The following FAM163A variants were observed in gnomAD, a reference collection of about 807,000 sequenced individuals.
FAM163A encodes the protein family with sequence similarity 163 member A, also known as protein FAM163A.
FAM163A carries 7 observed loss-of-function variants against 12.0 expected under a neutral mutation model. The ratio of observed to expected loss-of-function variants is 0.58; its 90% CI spans 0.33 to 1.10. The LOEUF (loss-of-function observed/expected upper bound fraction) is 1.10, where lower values mean the gene tolerates loss of function less well. FAM163A is among the 50% of genes least tolerant of loss of function. FAM163A has a pLI of 0.03. For synonymous variants in FAM163A, 101 were observed against 91.0 expected, an observed-to-expected ratio of 1.11 and a Z score of -0.62; for missense variants, 202 against 218.6, an observed-to-expected ratio of 0.92 and a Z score of 0.48.
intron 1 of FAM163A, among the ~76,000 whole-genome samples, chr1:179,800,511 T>C (rs534545837): frequency 2.3e-4 from 35 of 152,244 alleles, no homozygotes; most frequent in Non-Finnish European, 4.3e-4. Flanking sequence ...CCAAGCCATG[T>C]TAGACCATGG....
rs878924466 is a variant in FAM163A, at chr1:179,814,249, G to A, written c.*60G>A. The A allele has an allele frequency of 3.2e-5, 49 of 1,526,808 alleles. No individual in the cohort carries two copies. The highest frequency in any genetic ancestry group is 3.2e-4 in the South Asian group (25 of 77,900). 94.6% of individuals were successfully genotyped at this position (1,526,808 alleles called of 1,614,324 possible). A position where few individuals can be genotyped will look rare whatever the true frequency, so the allele number is the denominator to read the frequency against. Reference sequence around the variant, plus strand: ...TGCTGCCCTGGCGGGGGCCATGGGGGTGATGAATGACCCTCCAACAGCCCC... The same window carrying A: ...TGCTGCCCTGGCGGGGGCCATGGGGATGATGAATGACCCTCCAACAGCCCC... On this transcript the variant is annotated 3_prime_UTR_variant, in exon 5 of 5. Transcript: ENST00000341785.
At chr1:179,740,169 GTTT>G (rs552496939), upstream of FAM163A, among the ~76,000 whole-genome samples, 8 of 115,030 alleles carry the variant, frequency 7.0e-5, no homozygotes, top group South Asian at 2.4e-3. Flanking sequence ...ACTTTATTTG[GTTT>G]TTGTTGTTGT....
At chr1:179,772,594 C>G (rs1285813134) in intron 1 of FAM163A, among the ~76,000 whole-genome samples, 1 of 152,184 alleles carries the variant, frequency 6.6e-6, no homozygotes, top group African/African-American at 2.4e-5. Flanking sequence ...AACCACTGCC[C>G]TGAAGCATTG....
At chr1:179,753,017 C>T (rs1685499196) in intron 1 of FAM163A, among the ~76,000 whole-genome samples, 1 of 152,136 alleles carries the variant, frequency 6.6e-6, no homozygotes, top group Non-Finnish European at 1.5e-5. Flanking sequence ...GCAGCATTAT[C>T]CACAATAGCC....
intron 1 of FAM163A, among the ~76,000 whole-genome samples, chr1:179,750,598 TACA>T (rs1553212863): frequency 6.6e-6 from 1 of 152,150 alleles, no homozygotes; most frequent in Non-Finnish European, 1.5e-5. Context: ...GGGGAAATCA[TACA>T]ACATGAGCGG....
intron 1 of FAM163A, among the ~76,000 whole-genome samples, chr1:179,750,154 G>A (rs949088373): frequency 6.6e-6 from 1 of 152,134 alleles, no homozygotes; most frequent in African/African-American, 2.4e-5. Flanking sequence ...AGCTAGAGGG[G>A]GCTGGGGCTG....
chr1:179,752,943 G>A (rs1043138807), intron 1 of FAM163A, among the ~76,000 whole-genome samples: 33 of 152,166 alleles, frequency 2.2e-4, no homozygotes, highest in African/African-American at 7.2e-4. Flanking sequence ...TCTCACTACT[G>A]GGTATTTATC....
the FAM163A span, among the ~76,000 whole-genome samples, chr1:179,729,925 C>A: frequency 6.6e-6 from 1 of 152,226 alleles, no homozygotes; most frequent in Non-Finnish European, 1.5e-5. Context: ...TGCCTTCCTG[C>A]ACTGCTTTCT....
intron 1 of FAM163A, among the ~76,000 whole-genome samples, chr1:179,744,416 C>T (rs933934458): frequency 6.6e-6 from 1 of 152,092 alleles, no homozygotes; most frequent in East Asian, 1.9e-4. Flanking sequence ...GCCACCCGGC[C>T]TGGCCTGGGT....
intron 1 of FAM163A, among the ~76,000 whole-genome samples, chr1:179,783,722 A>AT (rs1690125283): frequency 8.3e-6 from 1 of 120,750 alleles, no homozygotes; most frequent in South Asian, 2.4e-4. Context: ...ATACTTCCCA[A>AT]ATTTTATATA....
intron 1 of FAM163A, among the ~76,000 whole-genome samples, chr1:179,787,825 T>C (rs1043158095): frequency 2.0e-5 from 3 of 152,088 alleles, no homozygotes; most frequent in Admixed American, 6.5e-5. Flanking sequence ...TGGTGGAGAT[T>C]GGCAGTGCCC....
intron 1 of FAM163A, among the ~76,000 whole-genome samples, chr1:179,783,370 G>A (rs1690077752): frequency 6.6e-6 from 1 of 152,070 alleles, no homozygotes; most frequent in African/African-American, 2.4e-5. Flanking sequence ...ATAACATTGT[G>A]GTACAACTCC....
intron 1 of FAM163A, among the ~76,000 whole-genome samples, chr1:179,768,355 G>A (rs945339225): frequency 3.9e-5 from 6 of 152,096 alleles, no homozygotes; most frequent in African/African-American, 1.4e-4. Context: ...CAATAAGTGT[G>A]GCAATAATTG....
At chr1:179,771,238 G>T (rs1301973965) in intron 1 of FAM163A, among the ~76,000 whole-genome samples, 1 of 152,134 alleles carries the variant, frequency 6.6e-6, no homozygotes, top group Non-Finnish European at 1.5e-5. Context: ...AAGACAGAGT[G>T]CCGGCTCCCC....
At chr1:179,769,729 T>C (rs1156279452) in intron 1 of FAM163A, among the ~76,000 whole-genome samples, 1 of 152,162 alleles carries the variant, frequency 6.6e-6, no homozygotes, top group Non-Finnish European at 1.5e-5. Context: ...GAGCAGGCCG[T>C]GCTCTGGGAT....
chr1:179,733,094 A>G, the FAM163A span, among the ~76,000 whole-genome samples: 6 of 151,982 alleles, frequency 3.9e-5, no homozygotes, highest in Non-Finnish European at 7.4e-5. Flanking sequence ...GGACCAGGAC[A>G]ACTCTCAATA....
chr1:179,734,526 C>G, the FAM163A span, among the ~76,000 whole-genome samples: 1 of 152,150 alleles, frequency 6.6e-6, no homozygotes, highest in Non-Finnish European at 1.5e-5. Flanking sequence ...ATCAAGGTAG[C>G]AGCAGGCTCC....
chr1:179,754,469 G>GAAAGTGCTGGAA (rs1033212702), intron 1 of FAM163A, among the ~76,000 whole-genome samples: 1 of 152,074 alleles, frequency 6.6e-6, no homozygotes, highest in Non-Finnish European at 1.5e-5. Flanking sequence ...TGCAATGGCT[G>GAAAGTGCTGGAA]TATCAGAAAG....
rs574068745 is a variant in FAM163A at position 179,754,610 on chromosome 1, G to C, written c.-136+11187G>C. On this transcript the variant is annotated intron_variant, in intron 1 of 4. Coordinates refer to ENST00000341785, the MANE Select transcript of FAM163A (RefSeq NM_173509.3). The stretch of plus-strand genomic sequence containing the variant: ...CATCTTTACAGAGAAGCAGGAAAAT[G>C]ACCTTTCCAGGCAGAGGGAGGGCCA... Among the ~76,000 whole-genome samples the C allele has an allele frequency of 2.3e-4, 35 of 152,272 alleles. 1 individual carries two copies. The highest frequency in any genetic ancestry group is 1.7e-3 in the South Asian group (8 of 4,820).
Sources: allele counts gnomAD v4.1 joint callset (sites outside exome capture counted in the v4.1 genomes callset), GRCh38; gene constraint gnomAD v4.1.1; transcripts MANE v1.5; gene names NCBI Gene and HGNC (gene_info 2026-07-23, HGNC 2026-07-21).